The following ST3GAL3 variants were observed in gnomAD, a reference collection of about 807,000 sequenced individuals.
ST3GAL3 encodes ST3 beta-galactoside alpha-2,3-sialyltransferase 3.
In ST3GAL3, 21 loss-of-function variants were observed where a neutral mutation model predicts 50.1. The ratio of observed to expected loss-of-function variants is 0.42; its 90% CI spans 0.30 to 0.60. ST3GAL3 has a LOEUF of 0.60. Ranked by LOEUF, ST3GAL3 falls within the 20% of genes least tolerant of loss-of-function variation. The pLI, the probability that ST3GAL3 is intolerant of heterozygous loss-of-function variation, is 0.19. For synonymous variants in ST3GAL3, 183 were observed against 190.0 expected (o/e 0.96, Z 0.30); for missense variants, 353 against 489.4 (o/e 0.72, Z 2.63).
In ST3GAL3 at chr1:43,894,481, T is replaced by C. The variant is rs186388300; in HGVS notation, c.397+4T>C. 8 of 1,613,688 alleles carry C rather than the reference T, an allele frequency of 5.0e-6. No homozygotes were observed. Among genetic ancestry groups the C allele is most frequent in the Non-Finnish European group, 6.8e-6 (8 of 1,179,700 alleles). ...CCTTTTGGGATCAAAGGTCAAGGTA[T>C]GTTGGGAACCCTGACCTACATTAAC... On this transcript the variant is annotated splice_donor_region_variant and intron_variant, in intron 6 of 11. Coordinates refer to ENST00000347631, the MANE Select transcript of ST3GAL3 (RefSeq NM_006279.5).
chr1:43,900,992 C>T (rs1290702400), intron 9 of ST3GAL3, among the ~76,000 whole-genome samples: 1 of 152,276 alleles, frequency 6.6e-6, no homozygotes, highest in African/African-American at 2.4e-5. Flanking sequence ...AGCAGGCCCA[C>T]TGCCCACACA....
At chr1:43,889,934 T>C (rs1004436089) in intron 5 of ST3GAL3, among the ~76,000 whole-genome samples, 3 of 152,200 alleles carry the variant, frequency 2.0e-5, no homozygotes, top group Non-Finnish European at 1.5e-5. Flanking sequence ...CTGAGCAATA[T>C]AGTGAGACTC....
chr1:43,849,839 TC>T (rs2066942539), intron 5 of ST3GAL3, among the ~76,000 whole-genome samples: 1 of 152,198 alleles, frequency 6.6e-6, no homozygotes, highest in Non-Finnish European at 1.5e-5. Context: ...CGAATTCAGC[TC>T]CCCTTTGGCA....
chr1:43,906,419 C>T (rs1411959267), intron 9 of ST3GAL3, among the ~76,000 whole-genome samples: 1 of 140,304 alleles, frequency 7.1e-6, no homozygotes, highest in Admixed American at 7.1e-5. Context: ...CCTCCTGTTC[C>T]TCTTCCCACC....
intron 5 of ST3GAL3, among the ~76,000 whole-genome samples, chr1:43,854,558 C>T (rs1332569611): frequency 6.6e-6 from 1 of 152,148 alleles, no homozygotes; most frequent in Admixed American, 6.5e-5. Flanking sequence ...TTATAGCTCT[C>T]CTCTCTTCTC....
At chr1:43,796,726 A>G (rs2058721171) in intron 3 of ST3GAL3, among the ~76,000 whole-genome samples, 1 of 152,248 alleles carries the variant, frequency 6.6e-6, no homozygotes, top group Non-Finnish European at 1.5e-5. Context: ...AGAACCAGGA[A>G]AATTTGAACT....
intron 9 of ST3GAL3, among the ~76,000 whole-genome samples, chr1:43,909,192 G>C (rs2080352389): frequency 1.3e-5 from 2 of 152,132 alleles, no homozygotes; most frequent in South Asian, 4.1e-4. Flanking sequence ...GTACCTTCGA[G>C]GAGAGTCAGG....
intron 5 of ST3GAL3, among the ~76,000 whole-genome samples, chr1:43,849,636 G>A (rs901282958): frequency 1.3e-5 from 2 of 152,182 alleles, no homozygotes; most frequent in Non-Finnish European, 2.9e-5. Context: ...GTTATCTCAG[G>A]TGGAGCAGGA....
At chr1:43,726,434 A>G (rs934523033) in intron 1 of ST3GAL3, among the ~76,000 whole-genome samples, 1 of 152,036 alleles carries the variant, frequency 6.6e-6, no homozygotes, top group African/African-American at 2.4e-5. Context: ...CTACAGGCAC[A>G]TGCCACTATG....
At chr1:43,864,938 C>T (rs2070926437) in intron 5 of ST3GAL3, among the ~76,000 whole-genome samples, 1 of 152,056 alleles carries the variant, frequency 6.6e-6, no homozygotes, top group South Asian at 2.1e-4. Context: ...TCCTGCAGAA[C>T]ATCCCTGTGA....
chr1:43,759,699 C>T (rs1390799327), intron 2 of ST3GAL3, among the ~76,000 whole-genome samples: 1 of 152,174 alleles, frequency 6.6e-6, no homozygotes, highest in East Asian at 1.9e-4. Flanking sequence ...AAGCTGCTTG[C>T]CCCTTAGCAC....
chr1:43,770,457 G>A (rs547012280), intron 2 of ST3GAL3, among the ~76,000 whole-genome samples: 1 of 152,270 alleles, frequency 6.6e-6, no homozygotes, highest in East Asian at 1.9e-4. Context: ...ACAAAAACAG[G>A]ATGATAAAAA....
intron 5 of ST3GAL3, among the ~76,000 whole-genome samples, chr1:43,874,143 A>G (rs2073614125): frequency 6.6e-6 from 1 of 152,234 alleles, no homozygotes; most frequent in Admixed American, 6.5e-5. Flanking sequence ...TACTATACAA[A>G]CTAGGGCACT....
intron 5 of ST3GAL3, among the ~76,000 whole-genome samples, chr1:43,860,765 G>A (rs1049068054): frequency 6.6e-6 from 1 of 152,236 alleles, no homozygotes; most frequent in Non-Finnish European, 1.5e-5. Flanking sequence ...GGGCAGTGGA[G>A]GGATGTAGGC....
rs953969815 is a variant in ST3GAL3 at position 43,904,952 on chromosome 1, A to G, written c.744+5225A>G. ...CTTCCTCCCCTTCCTCCTTTCTGCC[A>G]CTCTTCCTCCCCTTCCTGCTCCTCT... On this transcript the variant is annotated intron_variant, in intron 9 of 11. Coordinates refer to ENST00000347631, the MANE Select transcript of ST3GAL3 (RefSeq NM_006279.5). Among the ~76,000 whole-genome samples, 4 of 3,548 alleles carry G rather than the reference A, an allele frequency of 1.1e-3. 1 individual carries two copies. Among genetic ancestry groups the G allele is most frequent in the African/African-American group, 6.4e-3 (4 of 624 alleles). The allele number at this position is 3,548 out of a possible 152,430, so 2.3% of individuals were successfully genotyped here. A position where few individuals can be genotyped will look rare whatever the true frequency, so the allele number is the denominator to read the frequency against.
intron 2 of ST3GAL3, among the ~76,000 whole-genome samples, chr1:43,768,061 A>G (rs1384631473): frequency 6.6e-6 from 1 of 152,220 alleles, no homozygotes; most frequent in Non-Finnish European, 1.5e-5. Context: ...AATACAGAGG[A>G]TCAACAAAGT....
chr1:43,724,399 TG>T (rs1388199955), intron 1 of ST3GAL3, among the ~76,000 whole-genome samples: 3 of 149,990 alleles, frequency 2.0e-5, no homozygotes, highest in African/African-American at 4.9e-5. Flanking sequence ...TTTTTTTTTT[TG>T]TAGAGATGGG....
intron 5 of ST3GAL3, among the ~76,000 whole-genome samples, chr1:43,846,244 A>T (rs376054895): frequency 6.6e-6 from 1 of 152,060 alleles, no homozygotes; most frequent in African/African-American, 2.4e-5. Flanking sequence ...TTAATTTATC[A>T]GTTTTTATTT....
chr1:43,792,099 C>A lies in ST3GAL3; in HGVS notation c.119-3C>A. ...GAAATGAACTTGTCCTCTTGTGTTG[C>A]AGATTCAGTGGTTCTTTCCTTTGAC... On this transcript the variant is annotated splice_region_variant and splice_polypyrimidine_tract_variant and intron_variant, in intron 2 of 11. Coordinates refer to ENST00000347631, the MANE Select transcript of ST3GAL3 (RefSeq NM_006279.5). The A allele has an allele frequency of 2.5e-6, 4 of 1,614,212 alleles. No homozygotes were observed. The highest frequency in any genetic ancestry group is 3.4e-6 in the Non-Finnish European group (4 of 1,180,022).
Sources: gnomAD v4.1 joint callset for allele counts (sites outside exome capture counted in the v4.1 genomes callset) on GRCh38, gnomAD v4.1.1 for gene constraint, MANE v1.5 for transcripts, NCBI Gene and HGNC (gene_info 2026-07-23, HGNC 2026-07-21) for gene names.